The following ABCA5 variants were observed in gnomAD, a reference collection of about 807,000 sequenced individuals.
The protein encoded by ABCA5 is ATP binding cassette subfamily A member 5, also known as cholesterol transporter ABCA5.
In ABCA5, 163 loss-of-function variants were observed where a neutral mutation model predicts 206.0. The ratio of observed to expected loss-of-function variants is 0.79; its 90% CI spans 0.70 to 0.90. The LOEUF is 0.90. Ranked by LOEUF, ABCA5 falls within the 40% of genes least tolerant of loss-of-function variation. The pLI, the probability that ABCA5 is intolerant of heterozygous loss-of-function variation, is 0.00. For synonymous variants in ABCA5, 609 were observed against 613.8 expected (o/e 0.99, Z 0.11); for missense variants, 1,859 against 1,912.9 (o/e 0.97, Z 0.53).
chr17:69,319,697 C>T (rs1262616309), intron 1 of ABCA5, among the ~76,000 whole-genome samples: 18 of 152,210 alleles, frequency 1.2e-4, no homozygotes, highest in Admixed American at 1.2e-3. Context: ...ATGTACCACA[C>T]CTACTGTGCT....
At chr17:69,308,191 G>A (rs1349949365) in intron 5 of ABCA5, 89 bp downstream of exon 5, 7 of 660,762 alleles carry the variant, frequency 1.1e-5, no homozygotes, top group Admixed American at 5.3e-5. Context: ...ACATTTGACA[G>A]TAGTCAAACC....
intron 32 of ABCA5, 56 bp from the exon 33 acceptor site, chr17:69,253,925 C>CA: frequency 7.2e-7 from 1 of 1,393,482 alleles, no homozygotes; most frequent in Admixed American, 1.9e-5. Context: ...ACACAAATAC[C>CA]AACTGGGTGT....
At chr17:69,273,656 G>A (rs924145866) in intron 20 of ABCA5, among the ~76,000 whole-genome samples, 13 of 151,732 alleles carry the variant, frequency 8.6e-5, no homozygotes, top group East Asian at 3.9e-4. Flanking sequence ...GGGTTTCACC[G>A]TGTTAGCCAG....
At chr17:69,322,887 G>A (rs1258065679) in intron 1 of ABCA5, among the ~76,000 whole-genome samples, 1 of 152,176 alleles carries the variant, frequency 6.6e-6, no homozygotes, top group Admixed American at 6.6e-5. Flanking sequence ...AATAAGTTGA[G>A]TCATCCTGAT....
Position 69,274,260 on chromosome 17 carries a change from C to G in ABCA5, c.2595-132G>C, listed in dbSNP as rs769635532. The stretch of plus-strand genomic sequence containing the variant: ...TTGAGACAGGGTCTGGTTCTGTCAC[C>G]CAGGCTGGAGTGTAATGGCATGATC... On this transcript the variant is annotated intron_variant, in intron 19 of 38. Coordinates refer to ENST00000392676, the MANE Select transcript of ABCA5 (RefSeq NM_172232.4). The G allele has an allele frequency of 3.7e-4, 306 of 818,992 alleles. 1 individual carries two copies. The highest frequency in any genetic ancestry group is 4.1e-4 in the Non-Finnish European group (226 of 556,620). The allele number at this position is 818,992 out of a possible 1,614,324, so 50.7% of individuals were successfully genotyped here.
At chr17:69,306,653 T>C (rs1403758846) in intron 6 of ABCA5, 72 bp downstream of exon 6, 1 of 760,650 alleles carries the variant, frequency 1.3e-6, no homozygotes, top group African/African-American at 1.8e-5. Context: ...AATATCAAAA[T>C]TACAATTTTG....
chr17:69,260,214 AT>A, intron 27 of ABCA5, 123 bp downstream of exon 27: 1 of 661,868 alleles, frequency 1.5e-6, no homozygotes, highest in Non-Finnish European at 2.5e-6. Context: ...GTTAACTAAC[AT>A]GCTTAACTTT....
chr17:69,292,442 A>G (rs2075539086), intron 11 of ABCA5, among the ~76,000 whole-genome samples: 3 of 152,106 alleles, frequency 2.0e-5, no homozygotes, highest in Admixed American at 6.6e-5. Flanking sequence ...TGATTTTTCC[A>G]TTATTTATCA....
At chr17:69,281,306 A>G (rs2075390892) in intron 18 of ABCA5, among the ~76,000 whole-genome samples, 1 of 151,548 alleles carries the variant, frequency 6.6e-6, no homozygotes, top group Admixed American at 6.6e-5. Flanking sequence ...AAGAAATCAG[A>G]TTATATAATA....
At position 69,250,594 on chromosome 17, in the gene ABCA5, C is replaced by T. The variant is rs768399602; in HGVS notation, c.4563G>A (p.Lys1521=). Reference sequence around the variant, plus strand: ...AAAAGTAGCCTTTTCCAAATTTACTCTTTAGATGTTGTACTGTTCCGATAC... The same window carrying T: ...AAAAGTAGCCTTTTCCAAATTTACTTTTTAGATGTTGTACTGTTCCGATAC... ...LRCIGTVQHL[K]SKFGKGYFLE... Residue 1521 remains lysine, a synonymous_variant, in exon 36 of 39, where the codon AAG becomes AAA. Coordinates refer to ENST00000392676, the MANE Select transcript of ABCA5 (RefSeq NM_172232.4). 6.3e-7 allele frequency: 1 copy of T among 1,596,596 alleles called. No individual in the cohort carries two copies. The highest frequency in any genetic ancestry group is 1.8e-5 in the Admixed American group (1 of 56,230).
chr17:69,285,607 CT>C (rs1292394165), intron 17 of ABCA5, among the ~76,000 whole-genome samples: 1 of 151,244 alleles, frequency 6.6e-6, no homozygotes, highest in Non-Finnish European at 1.5e-5. Context: ...CAAGCAATTT[CT>C]TTTTTTTCTT....
intron 37 of ABCA5, 129 bp from the exon 38 acceptor site, chr17:69,248,446 A>G (rs1030941887): frequency 2.1e-5 from 12 of 566,272 alleles, no homozygotes; most frequent in Non-Finnish European, 3.2e-5. Context: ...CTGCCAAAAC[A>G]TGTTATTTTT....
chr17:69,283,275 C>A lies in ABCA5; in HGVS notation c.2392+678G>T, dbSNP rs1180747106. ...CTGGGATTATAGGCATGAACCACTG[C>A]GCCCGGCCTCCCTATTTTCACTGAC... is the stretch of plus-strand genomic sequence containing the variant. On this transcript the variant is annotated intron_variant, in intron 18 of 38. Transcript: ENST00000392676. Among the ~76,000 whole-genome samples, 3 of 152,126 alleles carry A rather than the reference C, an allele frequency of 2.0e-5. No individual in the cohort carries two copies. In the South Asian group the frequency reaches 6.2e-4, roughly 32 times the overall value.
chr17:69,288,469 AT>A (rs1260721052), intron 14 of ABCA5, among the ~76,000 whole-genome samples: 3 of 152,194 alleles, frequency 2.0e-5, no homozygotes, highest in African/African-American at 7.2e-5. Context: ...TATAACAAAT[AT>A]TTTTTAAACT....
intron 18 of ABCA5, among the ~76,000 whole-genome samples, chr17:69,279,038 CAAT>C (rs2075362745): frequency 1.3e-5 from 2 of 149,422 alleles, no homozygotes; most frequent in Non-Finnish European, 3.0e-5. Flanking sequence ...CTGGCCAGGG[CAAT>C]TAGGCAGGAG....
chr17:69,318,744 T>A (rs752003079), intron 1 of ABCA5: 5 of 641,680 alleles, frequency 7.8e-6, no homozygotes, highest in Non-Finnish European at 1.5e-5. Context: ...TGAGCAAAGC[T>A]TACACTCCCG....
chr17:69,257,079 A>G (rs1214138212), intron 28 of ABCA5, among the ~76,000 whole-genome samples: 1 of 152,048 alleles, frequency 6.6e-6, no homozygotes, highest in African/African-American at 2.4e-5. Context: ...AACAAGAAAA[A>G]TGTGGCCAGG....
intron 9 of ABCA5, among the ~76,000 whole-genome samples, chr17:69,298,285 G>GAGGA (rs2075610491): frequency 2.3e-5 from 1 of 43,108 alleles, no homozygotes; most frequent in African/African-American, 7.2e-5. Flanking sequence ...GGAAGGAAGG[G>GAGGA]AGGGAGGGGA....
At chr17:69,299,985 A>T (rs2075635058) in intron 9 of ABCA5, among the ~76,000 whole-genome samples, 1 of 152,046 alleles carries the variant, frequency 6.6e-6, no homozygotes, top group African/African-American at 2.4e-5. Flanking sequence ...GTGATAGAAA[A>T]TTTTTCCACA....
Sources: allele counts gnomAD v4.1 joint callset (sites outside exome capture counted in the v4.1 genomes callset), GRCh38; gene constraint gnomAD v4.1.1; transcripts MANE v1.5; gene names NCBI Gene and HGNC (gene_info 2026-07-23, HGNC 2026-07-21).